Variants in LRRFIP2 observed in about 807,000 individuals in gnomAD.
LRRFIP2 encodes LRR binding FLII interacting protein 2, also known as leucine-rich repeat flightless-interacting protein 2.
A neutral mutation model predicts 125.9 loss-of-function variants in LRRFIP2; 109 were observed. The observed-to-expected ratio is 0.87, with a 90% CI of 0.74 to 1.01. LRRFIP2 has a LOEUF of 1.01. Ranked by LOEUF, LRRFIP2 falls within the 50% of genes least tolerant of loss-of-function variation. The pLI, the probability that LRRFIP2 is intolerant of heterozygous loss-of-function variation, is 0.00. For synonymous variants in LRRFIP2, 291 were observed against 293.1 expected (o/e 0.99, Z 0.07); for missense variants, 850 against 862.3 (o/e 0.99, Z 0.18).
chr3:37,144,249 G>A (rs1002452956), intron 2 of LRRFIP2, among the ~76,000 whole-genome samples: 1 of 152,218 alleles, frequency 6.6e-6, no homozygotes, highest in Non-Finnish European at 1.5e-5. Context: ...TTCCTTAATA[G>A]GAGGAAGGAG....
chr3:37,075,128 CAAAT>C lies in LRRFIP2; in HGVS notation c.1279-16_1279-13del, dbSNP rs1559722595. ...TGCCTTTCTAACTCCTGTTATTAAA[CAAAT>C]AATATCATTTACACAGGTCATGGCA... On this transcript the variant is annotated splice_polypyrimidine_tract_variant and intron_variant, in intron 19 of 27. Coordinates refer to ENST00000336686, the MANE Select transcript of LRRFIP2 (RefSeq NM_006309.4). 1 of 1,570,642 alleles carries C rather than the reference CAAAT, an allele frequency of 6.4e-7. No homozygotes were observed. Among genetic ancestry groups the C allele is most frequent in the South Asian group, 1.1e-5 (1 of 90,402 alleles).
chr3:37,148,659 C>A (rs531567752), intron 2 of LRRFIP2, among the ~76,000 whole-genome samples: 34 of 152,328 alleles, frequency 2.2e-4, no homozygotes, highest in Non-Finnish European at 4.4e-4. Flanking sequence ...AATTACAATT[C>A]TACTGTCTCA....
At chr3:37,106,981 C>T (rs1040557769) in intron 13 of LRRFIP2, among the ~76,000 whole-genome samples, 11 of 151,416 alleles carry the variant, frequency 7.3e-5, no homozygotes, top group East Asian at 1.9e-4. Context: ...CTTGGCTCAC[C>T]GCAGCCTCCA....
chr3:37,129,304 C>CA (rs2149687554), intron 2 of LRRFIP2, among the ~76,000 whole-genome samples, 155 bp from the exon 3 acceptor site: 1 of 152,332 alleles, frequency 6.6e-6, no homozygotes, highest in South Asian at 2.1e-4. Context: ...TTGTTTTAAT[C>CA]AACTCTTATA....
chr3:37,077,342 C>T (rs1272406051), intron 19 of LRRFIP2, among the ~76,000 whole-genome samples: 1 of 152,080 alleles, frequency 6.6e-6, no homozygotes, highest in Non-Finnish European at 1.5e-5. Flanking sequence ...AATAATTATG[C>T]AGTGGTGAAA....
chr3:37,074,981 AT>A lies in LRRFIP2; in HGVS notation c.1371+42del, dbSNP rs201405386. The A allele has an allele frequency of 8.7e-3, 11,745 of 1,356,210 alleles. 102 individuals are homozygous for A. Among genetic ancestry groups the A allele is most frequent in the Non-Finnish European group, 1.0e-2 (9,481 of 949,266 alleles). 84.0% of individuals were successfully genotyped at this position (1,356,210 alleles called of 1,614,324 possible). On this transcript the variant is annotated intron_variant, in intron 20 of 27. Coordinates refer to ENST00000336686, the MANE Select transcript of LRRFIP2 (RefSeq NM_006309.4). ...AACACATCCTCATCCCATTCAACTC[AT>A]TTTTTTTCAAAATTAAGTATTCCCA...
chr3:37,161,090 T>A lies in LRRFIP2; in HGVS notation c.-55-12052A>T, dbSNP rs1172709474. ...CTGACATGATGGCTCACGCCTGTAA[T>A]CCCAGCACTTTGGAAGGCCAAAGCA... On this transcript the variant is annotated intron_variant, in intron 1 of 27. Coordinates refer to ENST00000336686, the MANE Select transcript of LRRFIP2 (RefSeq NM_006309.4). 5.4e-5 allele frequency among the ~76,000 whole-genome samples: 8 copies of A among 147,702 alleles called. No individual in the cohort carries two copies. In the East Asian group the frequency reaches 1.6e-3, roughly 29 times the overall value.
intron 5 of LRRFIP2, 41 bp downstream of exon 5, chr3:37,121,594 G>C: frequency 6.2e-7 from 1 of 1,613,092 alleles, no homozygotes; most frequent in Non-Finnish European, 8.5e-7. Context: ...TTAAGCTAAT[G>C]AGGAAAAGTA....
intron 2 of LRRFIP2, among the ~76,000 whole-genome samples, chr3:37,142,067 G>C (rs554585303): frequency 6.6e-6 from 1 of 151,940 alleles, no homozygotes; most frequent in African/African-American, 2.4e-5. Flanking sequence ...TATTCTTGTT[G>C]CATTTGGACA....
intron 17 of LRRFIP2, 133 bp from the exon 18 acceptor site, chr3:37,091,671 A>AT: frequency 1.5e-6 from 1 of 649,558 alleles, no homozygotes; most frequent in Non-Finnish European, 2.6e-6. Flanking sequence ...GTACAAAAAC[A>AT]TAACTCCCAC....
chr3:37,121,611 G>A, intron 5 of LRRFIP2, 24 bp downstream of exon 5: 2 of 1,613,848 alleles, frequency 1.2e-6, no homozygotes, highest in South Asian at 1.1e-5. Flanking sequence ...AGTATTAGAG[G>A]CAAGTGTATA....
chr3:37,056,552 C>T (rs1475521225), intron 25 of LRRFIP2, among the ~76,000 whole-genome samples: 1 of 151,708 alleles, frequency 6.6e-6, no homozygotes, highest in Non-Finnish European at 1.5e-5. Flanking sequence ...CACCCAGGTT[C>T]ACGCCATTCT....
Position 37,066,266 on chromosome 3 carries a change from T to C in LRRFIP2, c.1524A>G (p.Arg508=). ...ACLRNERDML[R]EELADLQETV... ...TCTCCTGCAGGTCAGCCAGCTCCTC[T>C]CTGAGCATATCTCGCTCATTCCTAA... Residue 508 remains arginine, a synonymous_variant, in exon 22 of 28, where the codon AGA becomes AGG. Coordinates refer to ENST00000336686, the MANE Select transcript of LRRFIP2 (RefSeq NM_006309.4). 6.2e-7 allele frequency: 1 copy of C among 1,614,196 alleles called. No homozygotes were observed. The highest frequency in any genetic ancestry group is 2.2e-5 in the East Asian group (1 of 44,884).
chr3:37,082,046 A>T (rs1435978553), intron 19 of LRRFIP2, among the ~76,000 whole-genome samples: 1 of 152,172 alleles, frequency 6.6e-6, no homozygotes, highest in Non-Finnish European at 1.5e-5. Flanking sequence ...GCTGAAGGAT[A>T]TTTGAGACGA....
intron 1 of LRRFIP2, among the ~76,000 whole-genome samples, chr3:37,166,064 G>A (rs781382347): frequency 1.3e-5 from 2 of 152,144 alleles, no homozygotes; most frequent in Admixed American, 6.5e-5. Context: ...TGGGCAGGGC[G>A]CGGTGGCTCA....
rs766679996 is a variant in LRRFIP2 at position 37,121,475 on chromosome 3, C to T, written c.330+17G>A. ...ACACGTAAGCTTTGTATTGTGTAGACAAGTTAAAATACCAACCCTGTGACT... is the reference window on the plus strand; with the variant it reads ...ACACGTAAGCTTTGTATTGTGTAGATAAGTTAAAATACCAACCCTGTGACT... On this transcript the variant is annotated intron_variant, in intron 6 of 27. Transcript: ENST00000336686. The T allele has an allele frequency of 8.1e-6, 13 of 1,611,626 alleles. No individual in the cohort carries two copies. The highest frequency in any genetic ancestry group is 4.5e-5 in the East Asian group (2 of 44,832).
At chr3:37,151,555 G>A (rs1277650680) in intron 1 of LRRFIP2, among the ~76,000 whole-genome samples, 2 of 151,210 alleles carry the variant, frequency 1.3e-5, no homozygotes, top group African/African-American at 2.4e-5. Flanking sequence ...ATGTAAACTA[G>A]TACAACCACT....
chr3:37,130,279 A>G (rs2095394173), intron 2 of LRRFIP2, among the ~76,000 whole-genome samples: 1 of 152,204 alleles, frequency 6.6e-6, no homozygotes, highest in Non-Finnish European at 1.5e-5. Flanking sequence ...CTACTTCCAG[A>G]ATCTGCCTTA....
chr3:37,054,061 G>C (rs1426734492), intron 27 of LRRFIP2, 100 bp from the exon 28 acceptor site: 1 of 785,394 alleles, frequency 1.3e-6, no homozygotes, highest in African/African-American at 1.7e-5. Context: ...TGCTAACTGT[G>C]ATGGCCTTGC....
Sources: allele counts gnomAD v4.1 joint callset (sites outside exome capture counted in the v4.1 genomes callset), GRCh38; gene constraint gnomAD v4.1.1; transcripts MANE v1.5; gene names NCBI Gene and HGNC (gene_info 2026-07-23, HGNC 2026-07-21).